The following CLU variants were observed in gnomAD, a reference collection of about 807,000 sequenced individuals.
CLU encodes the protein clusterin, also known as aging-associated protein 4.
CLU carries 25 observed loss-of-function variants against 46.4 expected under a neutral mutation model. The observed-to-expected ratio is 0.54, with a 90% CI of 0.39 to 0.75. CLU has a LOEUF of 0.75. Ranked by LOEUF, CLU falls within the 30% of genes least tolerant of loss-of-function variation. The pLI, the probability that CLU is intolerant of heterozygous loss-of-function variation, is 0.00. For missense variants in CLU, 504 were observed against 592.1 expected, an observed-to-expected ratio of 0.85 and a Z score of 1.54; for synonymous variants, 235 against 235.1, an observed-to-expected ratio of 1.00 and a Z score of 0.00.
Position 27,599,997 on chromosome 8 carries a change from TTGG to T in CLU, c.944_946del (p.Thr315del). On this transcript the variant is annotated inframe_deletion, in exon 7 of 9. Coordinates refer to ENST00000316403, the MANE Select transcript of CLU (RefSeq NM_001831.4). The surrounding 1 kb of genome is among the most constrained non-coding windows in gnomAD (Gnocchi z 4.0). ...CCGCAGCTTAGCCTGGGAGGGGTTG[TTGG>T]TGGAACAGTCTGCCCAGAGATGGAA... is the stretch of plus-strand genomic sequence containing the variant. 1 of 1,613,994 alleles carries T rather than the reference TTGG, an allele frequency of 6.2e-7. No homozygotes were observed. Among genetic ancestry groups the T allele is most frequent in the Non-Finnish European group, 8.5e-7 (1 of 1,179,938 alleles).
rs1044379940 is a variant in CLU, at chr8:27,599,518, G to A, written c.1164+262C>T. 1 of 504,558 alleles carries A rather than the reference G, an allele frequency of 2.0e-6. No homozygotes were observed. Among genetic ancestry groups the A allele is most frequent in the Non-Finnish European group, 3.6e-6 (1 of 278,428 alleles). The allele number at this position is 504,558 out of a possible 1,614,324, so 31.3% of individuals were successfully genotyped here. On this transcript the variant is annotated intron_variant, in intron 7 of 8. Coordinates refer to ENST00000316403, the MANE Select transcript of CLU (RefSeq NM_001831.4). This position sits in a 1 kb window ranked among gnomAD's most constrained non-coding sequence, Gnocchi z 4.0. Reference sequence around the variant, plus strand: ...CAACAAAATACAGGCTTGGCAGCCAGGCAGTCAGGTTCAAATACCCGTCCA... The same window carrying A: ...CAACAAAATACAGGCTTGGCAGCCAAGCAGTCAGGTTCAAATACCCGTCCA...
chr8:27,606,609 C>A, intron 3 of CLU, 85 bp from the exon 4 acceptor site: 1 of 1,551,606 alleles, frequency 6.4e-7, no homozygotes, highest in Non-Finnish European at 8.9e-7. Flanking sequence ...AGGCCCTCTG[C>A]CCCAGGGCAG....
At chr8:27,611,697 C>T in intron 1 of CLU, 1 of 457,878 alleles carries the variant, frequency 2.2e-6, no homozygotes, top group Non-Finnish European at 4.4e-6. Flanking sequence ...CATCTGGACA[C>T]TCAGTAGCAC....
In CLU at chr8:27,599,955, G is replaced by T; in HGVS notation, c.989C>A (p.Ser330Tyr). Residue 330 changes from serine to tyrosine, a missense_variant, in exon 7 of 9, where the codon TCC becomes TAC. This residue lies in a region of CLU where 428 missense variants were observed against 484.0 expected (regional missense o/e 0.88). Coordinates refer to ENST00000316403, the MANE Select transcript of CLU (RefSeq NM_001831.4). The surrounding 1 kb of genome is among the most constrained non-coding windows in gnomAD (Gnocchi z 4.0). ...QAKLRRELDE[S>Y]LQVAERLTRK... ...GGTCAACCTCTCAGCGACCTGGAGG[G>T]ATTCGTCGAGCTCCCGCCGCAGCTT... is the stretch of plus-strand genomic sequence containing the variant. 1.2e-6 allele frequency: 2 copies of T among 1,614,218 alleles called. No individual in the cohort carries two copies. Among genetic ancestry groups the T allele is most frequent in the Non-Finnish European group, 1.7e-6 (2 of 1,180,044 alleles).
Position 27,598,359 on chromosome 8 carries a change from C to A in CLU, c.1340+101G>T, listed in dbSNP as rs1585249909. On this transcript the variant is annotated intron_variant, in intron 8 of 8. Transcript: ENST00000316403. ...CTTGGGCTCTGGCTCCGGGCGGAGT[C>A]GTTCCCACCAGGCTATAGAGTCTGC... 6.3e-6 allele frequency: 10 copies of A among 1,594,646 alleles called. No individual in the cohort carries two copies. In the South Asian group the frequency reaches 7.7e-5, roughly 12 times the overall value.
chr8:27,608,824 G>T, intron 3 of CLU, 114 bp downstream of exon 3: 4 of 1,098,646 alleles, frequency 3.6e-6, no homozygotes, highest in African/African-American at 1.5e-5. Context: ...AGCTGACACA[G>T]CCTGGGAGGA....
chr8:27,606,859 A>G (rs755981768), intron 3 of CLU, among the ~76,000 whole-genome samples: 8 of 152,156 alleles, frequency 5.3e-5, no homozygotes, highest in South Asian at 2.1e-4. Flanking sequence ...CTCATTTCCT[A>G]TTCTCTGCTT....
chr8:27,599,660 G>C lies in CLU; in HGVS notation c.1164+120C>G. Reference sequence around the variant, plus strand: ...GTGATGAGGCTTCAAGGCAACAGGGGCGCCTAAAGTTTTCTATTTTCTGCC... The same window carrying C: ...GTGATGAGGCTTCAAGGCAACAGGGCCGCCTAAAGTTTTCTATTTTCTGCC... On this transcript the variant is annotated intron_variant, in intron 7 of 8. Transcript: ENST00000316403. The surrounding 1 kb of genome is among the most constrained non-coding windows in gnomAD (Gnocchi z 4.0). The C allele has an allele frequency of 1.3e-6, 1 of 758,326 alleles. No individual in the cohort carries two copies. The highest frequency in any genetic ancestry group is 2.3e-6 in the Non-Finnish European group (1 of 439,322). The allele number at this position is 758,326 out of a possible 1,614,324, so 47.0% of individuals were successfully genotyped here. A position where few individuals can be genotyped will look rare whatever the true frequency, so the allele number is the denominator to read the frequency against.
rs1023729381 is a variant in CLU at position 27,604,457 on chromosome 8, T to C, written c.830-62A>G. On this transcript the variant is annotated intron_variant, in intron 5 of 8. Coordinates refer to ENST00000316403, the MANE Select transcript of CLU (RefSeq NM_001831.4). The stretch of plus-strand genomic sequence containing the variant: ...GCCATGCAGAGATGGACTCCACTGA[T>C]TCCTATTGTTATTTTTATTTATTTT... The C allele has an allele frequency of 3.2e-6, 4 of 1,237,324 alleles. No homozygotes were observed. In the African/African-American group the frequency reaches 4.4e-5, roughly 14 times the overall value. 76.6% of individuals were successfully genotyped at this position (1,237,324 alleles called of 1,614,324 possible). A position where few individuals can be genotyped will look rare whatever the true frequency, so the allele number is the denominator to read the frequency against.
chr8:27,598,612 C>G lies in CLU; in HGVS notation c.1188G>C (p.Ser396=). The change falls in exon 8 of 9, where the codon TCG becomes TCC. Residue 396 remains serine, a synonymous_variant. Coordinates refer to ENST00000316403, the MANE Select transcript of CLU (RefSeq NM_001831.4). ...CCTCAGTGACACCGGAAGGAACGTC[C>G]GAGTCAGAAGTGTGGGAAGCCACCT... ...VTTVASHTSD[S]DVPSGVTEVV... The G allele has an allele frequency of 6.2e-7, 1 of 1,614,068 alleles. No homozygotes were observed. The highest frequency in any genetic ancestry group is 1.1e-5 in the South Asian group (1 of 91,080).
intron 1 of CLU, among the ~76,000 whole-genome samples, chr8:27,613,022 C>T (rs1800957626): frequency 6.6e-6 from 1 of 151,736 alleles, no homozygotes; most frequent in African/African-American, 2.4e-5. Context: ...CCAGGCACAC[C>T]CTCCTGGGAA....
At chr8:27,612,641 C>T (rs903782835) in intron 1 of CLU, among the ~76,000 whole-genome samples, 3 of 151,998 alleles carry the variant, frequency 2.0e-5, no homozygotes, top group Non-Finnish European at 4.4e-5. Flanking sequence ...ACTGCTTTTC[C>T]AGCCAGTCTG....
chr8:27,597,339 G>C lies in CLU; in HGVS notation c.*902C>G, dbSNP rs531190008. On this transcript the variant is annotated 3_prime_UTR_variant, in exon 9 of 9. Transcript: ENST00000316403. ...GTAGTCATGGCCACCTGCTGGCAGCGTAGGGTACTGCAGCCCAGCTATGGT... is the reference window on the plus strand; with the variant it reads ...GTAGTCATGGCCACCTGCTGGCAGCCTAGGGTACTGCAGCCCAGCTATGGT... The C allele has an allele frequency of 2.2e-5, 10 of 454,418 alleles. No homozygotes were observed. Among genetic ancestry groups the C allele is most frequent in the Admixed American group, 1.2e-4 (5 of 42,560 alleles). The allele number at this position is 454,418 out of a possible 1,614,324, so 28.1% of individuals were successfully genotyped here. A position where few individuals can be genotyped will look rare whatever the true frequency, so the allele number is the denominator to read the frequency against.
intron 1 of CLU, chr8:27,611,577 C>G (rs2128910571): frequency 2.2e-6 from 1 of 457,796 alleles, no homozygotes; most frequent in Non-Finnish European, 4.4e-6. Context: ...ATGCCCCTCC[C>G]AAGAACTGCT....
chr8:27,603,967 C>G (rs1265232564), intron 6 of CLU, among the ~76,000 whole-genome samples: 1 of 152,230 alleles, frequency 6.6e-6, no homozygotes, highest in African/African-American at 2.4e-5. Flanking sequence ...CGCTTGGGAA[C>G]AGAATCACCG....
chr8:27,609,227 A>G (rs1800879211), intron 2 of CLU, 141 bp from the exon 3 acceptor site: 19 of 882,540 alleles, frequency 2.2e-5, no homozygotes, highest in Non-Finnish European at 3.3e-5. Flanking sequence ...AGCAGGCAGC[A>G]GCATGGCCCC....
intron 1 of CLU, chr8:27,611,115 C>T (rs1372491390): frequency 9.2e-6 from 4 of 435,796 alleles, no homozygotes; most frequent in Admixed American, 2.4e-5. Flanking sequence ...TTCACCACAG[C>T]GCTGCAGCCC....
rs1330193914 is a variant in CLU at position 27,609,065 on chromosome 8, T to G, written c.119A>C (p.Lys40Thr). 7 of 1,614,100 alleles carry G rather than the reference T, an allele frequency of 4.3e-6. No homozygotes were observed. The highest frequency in any genetic ancestry group is 1.7e-5 in the Admixed American group (1 of 60,032). ...ELQEMSNQGSKYVNKEIQNAV... is the reference protein window; with the variant it reads ...ELQEMSNQGSTYVNKEIQNAV... Reference sequence around the variant, plus strand: ...ATTTTGAATTTCCTTATTGACGTACTTACTTCCCTGATTGGACATTTCTGC... The same window carrying G: ...ATTTTGAATTTCCTTATTGACGTACGTACTTCCCTGATTGGACATTTCTGC... Residue 40 changes from lysine (K) to threonine (T), a missense_variant, in exon 3 of 9, where the codon AAG (lysine) becomes ACG (threonine). Physicochemically the swap from Lys to Thr is moderately conservative, Grantham distance 78. Coordinates refer to ENST00000316403, the MANE Select transcript of CLU (RefSeq NM_001831.4).
At position 27,606,387 on chromosome 8, in the gene CLU, G is replaced by A. The variant is rs1301038329; in HGVS notation, c.384C>T (p.Val128=). The part of the protein sequence containing the change: ...KQTCMKFYAR[V]CRSGSGLVGR... Reference sequence around the variant, plus strand: ...CAACCAGGCCTGAGCCACTTCTGCAGACGCGTGCGTAGAACTTCATGCAGG... The same window carrying A: ...CAACCAGGCCTGAGCCACTTCTGCAAACGCGTGCGTAGAACTTCATGCAGG... The change falls in exon 4 of 9, where the codon GTC becomes GTT. Residue 128 remains valine, a synonymous_variant. Transcript: ENST00000316403. 1.9e-6 allele frequency: 3 copies of A among 1,614,128 alleles called. No homozygotes were observed. The highest frequency in any genetic ancestry group is 2.2e-5 in the East Asian group (1 of 44,900).
Sources: gnomAD v4.1 joint callset for allele counts (sites outside exome capture counted in the v4.1 genomes callset) on GRCh38, gnomAD v4.1.1 for gene constraint, gnomAD v4.1.1 regional missense constraint, Gnocchi (gnomAD v3.1) non-coding constraint, MANE v1.5 for transcripts, NCBI Gene and HGNC (gene_info 2026-07-23, HGNC 2026-07-21) for gene names.